CNTN4: variants seen among roughly 807,000 people sequenced by gnomAD.
The protein encoded by CNTN4 is contactin-4.
A neutral mutation model predicts 122.5 loss-of-function variants in CNTN4; 77 were observed. The ratio of observed to expected loss-of-function variants is 0.63; its 90% CI spans 0.52 to 0.76. The LOEUF (loss-of-function observed/expected upper bound fraction) is 0.76. Among genes scored for constraint, CNTN4 ranks in the 30% least tolerant of loss-of-function variants. The probability of loss-of-function intolerance (pLI) is 0.00; values close to 1 mark genes in which losing one functional copy is unlikely to be tolerated. For synonymous variants in CNTN4, 512 were observed against 447.0 expected (o/e 1.15, Z -1.83); for missense variants, 1,256 against 1,259.1 (o/e 1.00, Z 0.04).
chr3:2,775,501 C>A (rs549710478), intron 6 of CNTN4, among the ~76,000 whole-genome samples: 3 of 152,278 alleles, frequency 2.0e-5, no homozygotes, highest in South Asian at 4.1e-4. Flanking sequence ...CCCACTGCAA[C>A]CTCTGCCTCC....
intron 21 of CNTN4, chr3:3,042,732 A>C (rs1436767460): frequency 5.1e-6 from 3 of 591,116 alleles, no homozygotes; most frequent in Non-Finnish European, 9.0e-6. Flanking sequence ...ATGGGAAAAA[A>C]GAAAATAATG....
chr3:2,902,997 GTGTTATAGGTGAGTCTTTA>G lies in CNTN4; in HGVS notation c.1201_1207+12del. On this transcript the variant is annotated splice_donor_variant and splice_donor_5th_base_variant and coding_sequence_variant and intron_variant, in exon 12 of 25. Coordinates refer to ENST00000418658, the MANE Select transcript of CNTN4 (RefSeq NM_175607.3). LOFTEE classifies it high-confidence loss of function. ...GTTATCTTTTCCAACGCAGAGCTTA[GTGTTATAGGTGAGTCTTTA>G]TACTGGCAAGAAAAAAAAATTAAAA... 6.2e-7 allele frequency: 1 copy of G among 1,613,618 alleles called. No homozygotes were observed. Among genetic ancestry groups the G allele is most frequent in the Non-Finnish European group, 8.5e-7 (1 of 1,179,774 alleles).
intron 2 of CNTN4, among the ~76,000 whole-genome samples, chr3:2,203,541 A>G (rs947953419): frequency 6.6e-6 from 1 of 152,130 alleles, no homozygotes; most frequent in African/African-American, 2.4e-5. Flanking sequence ...GCCAAGGTAC[A>G]ACAGTATAAT....
At chr3:2,344,254 T>C (rs962710883) in intron 3 of CNTN4, among the ~76,000 whole-genome samples, 4 of 151,676 alleles carry the variant, frequency 2.6e-5, no homozygotes, top group African/African-American at 9.7e-5. Flanking sequence ...CTGACCTGAC[T>C]GCCAAGGCCA....
intron 4 of CNTN4, among the ~76,000 whole-genome samples, chr3:2,588,970 A>T (rs887993039): frequency 3.3e-5 from 5 of 152,140 alleles, no homozygotes; most frequent in Non-Finnish European, 5.9e-5. Context: ...ATGTAAATCA[A>T]TTTGGGGCTA....
At chr3:3,030,212 G>C (rs918934016) in intron 15 of CNTN4, among the ~76,000 whole-genome samples, 2 of 152,064 alleles carry the variant, frequency 1.3e-5, no homozygotes, top group Non-Finnish European at 2.9e-5. Context: ...GCGAATGCTG[G>C]AGAAATATTT....
At chr3:2,776,227 C>T (rs1015629165) in intron 6 of CNTN4, among the ~76,000 whole-genome samples, 12 of 149,578 alleles carry the variant, frequency 8.0e-5, no homozygotes, top group African/African-American at 2.7e-4. Flanking sequence ...ATTTTCCATA[C>T]AGGATTGGTG....
intron 2 of CNTN4, among the ~76,000 whole-genome samples, chr3:2,335,435 G>A (rs967350740): frequency 2.0e-5 from 3 of 152,062 alleles, no homozygotes; most frequent in Admixed American, 2.0e-4. Context: ...TATTCGAAAG[G>A]AAGCTGAGCT....
At chr3:2,371,647 G>A (rs918910969) in intron 3 of CNTN4, among the ~76,000 whole-genome samples, 21 of 152,030 alleles carry the variant, frequency 1.4e-4, no homozygotes, top group African/African-American at 3.6e-4. Context: ...TTGTTCCTCC[G>A]CTAGATTCGT....
intron 6 of CNTN4, among the ~76,000 whole-genome samples, chr3:2,786,052 A>T (rs1040009191): frequency 6.6e-6 from 1 of 151,918 alleles, no homozygotes; most frequent in Non-Finnish European, 1.5e-5. Flanking sequence ...TGGGCTGGGG[A>T]TGGTTAGAGA....
intron 13 of CNTN4, among the ~76,000 whole-genome samples, chr3:2,977,454 G>A (rs1183621590): frequency 6.6e-6 from 1 of 151,946 alleles, no homozygotes; most frequent in Admixed American, 6.6e-5. Context: ...TTTATTCTTT[G>A]ATACATTACC....
chr3:2,119,135 C>A (rs554512356), intron 2 of CNTN4, among the ~76,000 whole-genome samples: 48 of 152,202 alleles, frequency 3.2e-4, no homozygotes, highest in Non-Finnish European at 5.9e-4. Context: ...AAAAACTGAT[C>A]TCCCAGGAGA....
At chr3:2,375,047 A>G (rs553309381) in intron 3 of CNTN4, among the ~76,000 whole-genome samples, 28 of 152,292 alleles carry the variant, frequency 1.8e-4, no homozygotes, top group Non-Finnish European at 1.3e-4. Flanking sequence ...ATCTGACAAT[A>G]TGATATCTTA....
intron 2 of CNTN4, among the ~76,000 whole-genome samples, chr3:2,330,573 C>T (rs1430552850): frequency 2.7e-5 from 4 of 150,658 alleles, no homozygotes; most frequent in Middle Eastern, 3.2e-3. Context: ...AGCACAATAT[C>T]ACAGAGGAAA....
intron 13 of CNTN4, among the ~76,000 whole-genome samples, chr3:2,978,594 T>C (rs570738294): frequency 2.0e-5 from 3 of 152,376 alleles, no homozygotes; most frequent in African/African-American, 4.8e-5. Flanking sequence ...TAGATTGTTA[T>C]TTTAATTGTG....
chr3:2,501,667 C>G (rs943216184), intron 3 of CNTN4, among the ~76,000 whole-genome samples: 2 of 152,144 alleles, frequency 1.3e-5, no homozygotes, highest in African/African-American at 2.4e-5. Flanking sequence ...TCATATCCCT[C>G]TCATAAGGAC....
intron 3 of CNTN4, among the ~76,000 whole-genome samples, chr3:2,364,194 C>A (rs961197809): frequency 6.6e-6 from 1 of 152,130 alleles, no homozygotes; most frequent in Admixed American, 6.5e-5. Context: ...CTGCTGAAAC[C>A]AGCTGGCAGT....
intron 3 of CNTN4, among the ~76,000 whole-genome samples, chr3:2,545,962 T>A (rs1261172352): frequency 6.6e-6 from 1 of 151,956 alleles, no homozygotes; most frequent in African/African-American, 2.4e-5. Flanking sequence ...AAAACCACAA[T>A]GAGATACCAT....
At chr3:2,525,240 A>C (rs920202349) in intron 3 of CNTN4, among the ~76,000 whole-genome samples, 1 of 152,146 alleles carries the variant, frequency 6.6e-6, no homozygotes, top group South Asian at 2.1e-4. Context: ...CAAGTATTCT[A>C]TGGGGACTGC....
Sources: allele counts gnomAD v4.1 joint callset (sites outside exome capture counted in the v4.1 genomes callset), GRCh38; gene constraint gnomAD v4.1.1; transcripts MANE v1.5; gene names NCBI Gene and HGNC (gene_info 2026-07-23, HGNC 2026-07-21).